JPH1: variants seen among roughly 807,000 people sequenced by gnomAD.
JPH1 encodes junctophilin 1.
In JPH1, 12 loss-of-function variants were observed where a neutral mutation model predicts 53.6. The ratio of observed to expected loss-of-function variants is 0.22; its 90% CI spans 0.14 to 0.36. JPH1 has a LOEUF of 0.36. JPH1 is among the 10% of genes least tolerant of loss of function. The pLI is 1.00. For synonymous variants in JPH1, 375 were observed against 363.8 expected, an observed-to-expected ratio of 1.03 and a Z score of -0.35; for missense variants, 808 against 905.5, an observed-to-expected ratio of 0.89 and a Z score of 1.38.
At chr8:74,309,191 C>T (rs1807920762) in intron 2 of JPH1, among the ~76,000 whole-genome samples, 1 of 152,184 alleles carries the variant, frequency 6.6e-6, no homozygotes, top group African/African-American at 2.4e-5. Flanking sequence ...CCATCACTGA[C>T]ACTTCCTGGT....
chr8:74,255,616 G>C, intron 3 of JPH1, among the ~76,000 whole-genome samples: 1 of 152,206 alleles, frequency 6.6e-6, no homozygotes. Flanking sequence ...GCAACCTACA[G>C]AATGGGAGAA....
At position 74,236,412 on chromosome 8, in the gene JPH1, G is replaced by A. The variant is rs1806998337; in HGVS notation, c.*639C>T. 6.6e-6 allele frequency: 1 copy of A among 152,538 alleles called. No individual in the cohort carries two copies. Among genetic ancestry groups the A allele is most frequent in the Non-Finnish European group, 1.5e-5 (1 of 68,040 alleles). The allele number at this position is 152,538 out of a possible 1,614,324, so 9.4% of individuals were successfully genotyped here. On this transcript the variant is annotated 3_prime_UTR_variant, in exon 6 of 6. Transcript: ENST00000342232. ...TTTAAATAAACAGCAAAAATGAACA[G>A]AGTCGTGCACAAGCAAACGAAACGT...
intron 2 of JPH1, among the ~76,000 whole-genome samples, chr8:74,277,632 G>C (rs1806885600): frequency 6.6e-6 from 1 of 152,118 alleles, no homozygotes; most frequent in Non-Finnish European, 1.5e-5. Flanking sequence ...TGTAACCCAG[G>C]GTAAGTTACT....
chr8:74,294,920 A>C (rs1807461991), intron 2 of JPH1, among the ~76,000 whole-genome samples: 1 of 152,246 alleles, frequency 6.6e-6, no homozygotes, highest in Non-Finnish European at 1.5e-5. Context: ...TGGAACAGTT[A>C]GGCCATCTGC....
At chr8:74,262,060 C>A (rs912935408) in intron 2 of JPH1, among the ~76,000 whole-genome samples, 1 of 152,168 alleles carries the variant, frequency 6.6e-6, no homozygotes, top group African/African-American at 2.4e-5. Flanking sequence ...TCCTATAAGA[C>A]CACACAGCAA....
At position 74,236,908 on chromosome 8, in the gene JPH1, C is replaced by T. The variant is rs565178390; in HGVS notation, c.*143G>A. 99 of 221,896 alleles carry T rather than the reference C, an allele frequency of 4.5e-4. No individual in the cohort carries two copies. In the South Asian group the frequency reaches 0.012, roughly 26 times the overall value. 13.7% of individuals were successfully genotyped at this position (221,896 alleles called of 1,614,324 possible). On this transcript the variant is annotated 3_prime_UTR_variant, in exon 6 of 6. Transcript: ENST00000342232. ...TGAATTTTCCAAGTTTCATCTCTCT[C>T]GCGATCCCATCCTAATTCCAAGCCT...
At chr8:74,258,752 T>C (rs945157459) in intron 3 of JPH1, among the ~76,000 whole-genome samples, 1 of 152,216 alleles carries the variant, frequency 6.6e-6, no homozygotes, top group Non-Finnish European at 1.5e-5. Context: ...ACTAAAATAA[T>C]TTCTTAGAAT....
At chr8:74,312,779 G>A (rs1035431750) in intron 2 of JPH1, among the ~76,000 whole-genome samples, 1 of 152,088 alleles carries the variant, frequency 6.6e-6, no homozygotes, top group East Asian at 1.9e-4. Context: ...GATTAAGTGA[G>A]ATCATGCAGT....
At chr8:74,317,041 C>G (rs1808179096) in intron 1 of JPH1, among the ~76,000 whole-genome samples, 1 of 152,216 alleles carries the variant, frequency 6.6e-6, no homozygotes, top group Non-Finnish European at 1.5e-5. Context: ...ATCTACCCTG[C>G]AGTCACTTTG....
At chr8:74,310,292 A>C (rs1807954646) in intron 2 of JPH1, among the ~76,000 whole-genome samples, 1 of 146,644 alleles carries the variant, frequency 6.8e-6, no homozygotes, top group Non-Finnish European at 1.5e-5. Flanking sequence ...ATTTCTTAAA[A>C]AAAAAAAAAA....
In JPH1 at chr8:74,273,893, T is replaced by C. The variant is rs565951834; in HGVS notation, c.1140-14390A>G. On this transcript the variant is annotated intron_variant, in intron 2 of 5. Coordinates refer to ENST00000342232, the MANE Select transcript of JPH1 (RefSeq NM_020647.4). Reference sequence around the variant, plus strand: ...TAAGTTATGAAGGAGGTGTCTTATCTTCTGTTGTTACTTGAGCCTCTACAA... The same window carrying C: ...TAAGTTATGAAGGAGGTGTCTTATCCTCTGTTGTTACTTGAGCCTCTACAA... Among the ~76,000 whole-genome samples, 5 of 152,310 alleles carry C rather than the reference T, an allele frequency of 3.3e-5. No individual in the cohort carries two copies. In the South Asian group the frequency reaches 1.0e-3, roughly 32 times the overall value.
At chr8:74,279,777 C>A (rs1316151498) in intron 2 of JPH1, among the ~76,000 whole-genome samples, 1 of 152,176 alleles carries the variant, frequency 6.6e-6, no homozygotes, top group Admixed American at 6.5e-5. Flanking sequence ...TTTCCCCTGC[C>A]TCCAACAACA....
At chr8:74,305,383 T>C (rs1034188850) in intron 2 of JPH1, among the ~76,000 whole-genome samples, 2 of 152,262 alleles carry the variant, frequency 1.3e-5, no homozygotes, top group African/African-American at 4.8e-5. Flanking sequence ...CTGAAACTCA[T>C]ACAAAGCATA....
At chr8:74,238,113 T>C (rs547623243) in intron 4 of JPH1, among the ~76,000 whole-genome samples, 1 of 152,314 alleles carries the variant, frequency 6.6e-6, no homozygotes, top group African/African-American at 2.4e-5. Context: ...GTATTTACTG[T>C]TAAAATAATG....
intron 2 of JPH1, among the ~76,000 whole-genome samples, chr8:74,291,008 G>A (rs1807309735): frequency 6.6e-6 from 1 of 152,132 alleles, no homozygotes; most frequent in African/African-American, 2.4e-5. Flanking sequence ...TTACATGTTA[G>A]ACCTAAAACC....
intron 3 of JPH1, among the ~76,000 whole-genome samples, chr8:74,248,881 C>T (rs931311493): frequency 5.9e-5 from 9 of 152,096 alleles, no homozygotes; most frequent in African/African-American, 2.2e-4. Context: ...CAGAATATTG[C>T]CAGGGAGGGA....
chr8:74,261,494 T>C (rs1806394693), intron 2 of JPH1, among the ~76,000 whole-genome samples: 1 of 152,160 alleles, frequency 6.6e-6, no homozygotes. Flanking sequence ...TTAGATTATT[T>C]GTGTATGGGG....
chr8:74,259,549 T>A, intron 2 of JPH1, 46 bp from the exon 3 acceptor site: 1 of 1,307,512 alleles, frequency 7.6e-7, no homozygotes, highest in Non-Finnish European at 1.0e-6. Context: ...GACCCCTTGT[T>A]ACTTACACAG....
Position 74,264,950 on chromosome 8 carries a change from C to T in JPH1, c.1140-5447G>A, listed in dbSNP as rs1806490299. On this transcript the variant is annotated intron_variant, in intron 2 of 5. Transcript: ENST00000342232. Reference sequence around the variant, plus strand: ...TATCATACAACATGAACTACGGGATCGATTGTTTCTCTTTTTGTTAAGGCT... The same window carrying T: ...TATCATACAACATGAACTACGGGATTGATTGTTTCTCTTTTTGTTAAGGCT... 2.0e-5 allele frequency among the ~76,000 whole-genome samples: 3 copies of T among 152,126 alleles called. 1 individual carries two copies. The highest frequency in any genetic ancestry group is 6.6e-5 in the Admixed American group (1 of 15,260).
Sources: allele counts gnomAD v4.1 joint callset (sites outside exome capture counted in the v4.1 genomes callset), GRCh38; gene constraint gnomAD v4.1.1; transcripts MANE v1.5; gene names NCBI Gene and HGNC (gene_info 2026-07-23, HGNC 2026-07-21).